TNIP3: variants seen among roughly 807,000 people sequenced by gnomAD.
The protein encoded by TNIP3 is TNFAIP3-interacting protein 3.
TNIP3 carries 34 observed loss-of-function variants against 54.1 expected under a neutral mutation model. That is an observed-to-expected ratio of 0.63 (90% CI 0.48 to 0.84). The LOEUF is 0.84. Among genes scored for constraint, TNIP3 ranks in the 40% least tolerant of loss-of-function variants. The probability of loss-of-function intolerance (pLI) is 0.00; values close to 1 mark genes in which losing one functional copy is unlikely to be tolerated. For missense variants in TNIP3, 366 were observed against 387.6 expected (o/e 0.94, Z 0.47); for synonymous variants, 134 against 136.8 (o/e 0.98, Z 0.14).
intron 7 of TNIP3, among the ~76,000 whole-genome samples, chr4:121,146,222 A>T (rs976464549): frequency 3.3e-5 from 5 of 152,224 alleles, no homozygotes; most frequent in African/African-American, 1.2e-4. Context: ...TAAAAAAATC[A>T]GAGATAAAAT....
At chr4:121,213,183 A>G (rs1164013562) in intron 2 of TNIP3, among the ~76,000 whole-genome samples, 1 of 152,222 alleles carries the variant, frequency 6.6e-6, no homozygotes, top group Non-Finnish European at 1.5e-5. Context: ...CCTTAAGTGC[A>G]TCTGAAATCC....
intron 2 of TNIP3, among the ~76,000 whole-genome samples, chr4:121,190,873 A>G (rs910445584): frequency 6.6e-6 from 1 of 152,212 alleles, no homozygotes; most frequent in African/African-American, 2.4e-5. Flanking sequence ...AGACCAAGTT[A>G]TGCTAAGATG....
At chr4:121,215,181 C>T (rs1056855837) in intron 2 of TNIP3, among the ~76,000 whole-genome samples, 1 of 152,072 alleles carries the variant, frequency 6.6e-6, no homozygotes, top group Non-Finnish European at 1.5e-5. Context: ...CTTAATGGTA[C>T]CCCTTGTCAA....
intron 2 of TNIP3, among the ~76,000 whole-genome samples, chr4:121,214,705 T>A (rs1726685779): frequency 6.6e-6 from 1 of 152,198 alleles, no homozygotes; most frequent in South Asian, 2.1e-4. Flanking sequence ...TTGTTCAACA[T>A]CACATCATAT....
At chr4:121,198,561 T>A (rs1251809349) in intron 2 of TNIP3, among the ~76,000 whole-genome samples, 1 of 152,150 alleles carries the variant, frequency 6.6e-6, no homozygotes, top group Non-Finnish European at 1.5e-5. Flanking sequence ...CAGAAAAAAA[T>A]CCCTGTTTTC....
intron 9 of TNIP3, among the ~76,000 whole-genome samples, chr4:121,140,669 C>A (rs971575026): frequency 1.4e-4 from 22 of 152,074 alleles, no homozygotes; most frequent in Admixed American, 6.5e-5. Flanking sequence ...CAGTAAATTT[C>A]TCTTTATGTT....
chr4:121,199,913 C>A (rs1438898817), intron 2 of TNIP3, among the ~76,000 whole-genome samples: 5 of 152,130 alleles, frequency 3.3e-5, no homozygotes, highest in Admixed American at 6.5e-5. Context: ...TCTCTACTTG[C>A]CCAGCCAAGA....
chr4:121,222,395 G>C (rs777556332), intron 1 of TNIP3, among the ~76,000 whole-genome samples: 1 of 152,182 alleles, frequency 6.6e-6, no homozygotes, highest in Non-Finnish European at 1.5e-5. Context: ...ATTGGGTTTA[G>C]AGTCAAAAGA....
intron 10 of TNIP3, chr4:121,137,618 G>A: frequency 4.7e-6 from 1 of 211,924 alleles, no homozygotes. Context: ...ACCATGATGA[G>A]CCCCTCAGAC....
At position 121,154,561 on chromosome 4, in the gene TNIP3, C is replaced by T. The variant is rs532443085; in HGVS notation, c.482G>A (p.Arg161His). Reference protein sequence around the residue: ...EKEHYECEIKRLNKALQDALN... With the variant: ...EKEHYECEIKHLNKALQDALN... ...TGACCTGACTGATACCTTATTGAGGCGTTTTATTTCACATTCGTAATGTTC... is the reference window on the plus strand; with the variant it reads ...TGACCTGACTGATACCTTATTGAGGTGTTTTATTTCACATTCGTAATGTTC... The change falls in exon 5 of 11, where the codon CGC (arginine) becomes CAC (histidine). Residue 161 changes from arginine (R) to histidine (H), a missense_variant. Arg to His is a conservative substitution (Grantham distance 29). Transcript: ENST00000057513. 7 of 1,613,654 alleles carry T rather than the reference C, an allele frequency of 4.3e-6. No individual in the cohort carries two copies. The highest frequency in any genetic ancestry group is 3.3e-5 in the South Asian group (3 of 91,036).
rs779501164 is a variant in TNIP3 at position 121,141,848 on chromosome 4, G to A, written c.853C>T (p.Pro285Ser). 9 of 1,597,482 alleles carry A rather than the reference G, an allele frequency of 5.6e-6. No homozygotes were observed. Among genetic ancestry groups the A allele is most frequent in the Non-Finnish European group, 7.7e-6 (9 of 1,171,872 alleles). The change falls in exon 9 of 11, where the codon CCT (proline) becomes TCT (serine). Residue 285 changes from proline to serine, a missense_variant. Coordinates refer to ENST00000057513, the MANE Select transcript of TNIP3 (RefSeq NM_024873.6). ...HLQDPWVPTG[P>S]GAVQKQREHP... is the part of the protein sequence containing the mutation. ...TCCCGTTGCTTCTGCACAGCTCCAG[G>A]GCCTGTTGGTACCCATGGATCTTGC... is the stretch of plus-strand genomic sequence containing the variant.
At chr4:121,142,242 A>C (rs975124954) in intron 8 of TNIP3, among the ~76,000 whole-genome samples, 1 of 152,194 alleles carries the variant, frequency 6.6e-6, no homozygotes, top group East Asian at 1.9e-4. Context: ...GAGTCATAAA[A>C]TAGGTTTTCT....
At chr4:121,207,481 C>A (rs986868216) in intron 2 of TNIP3, among the ~76,000 whole-genome samples, 3 of 152,150 alleles carry the variant, frequency 2.0e-5, no homozygotes, top group Admixed American at 2.0e-4. Flanking sequence ...ACGCAGATAT[C>A]TTTAAATCTT....
At chr4:121,214,291 T>C (rs891150558) in intron 2 of TNIP3, among the ~76,000 whole-genome samples, 1 of 152,180 alleles carries the variant, frequency 6.6e-6, no homozygotes, top group Non-Finnish European at 1.5e-5. Flanking sequence ...AAAACCAGCT[T>C]CTGAACATTT....
chr4:121,220,886 A>G (rs1353391039), upstream of TNIP3, among the ~76,000 whole-genome samples: 1 of 152,172 alleles, frequency 6.6e-6, no homozygotes, highest in African/African-American at 2.4e-5. Context: ...ACGTTCAGTC[A>G]AGAGTGGGAA....
intron 10 of TNIP3, chr4:121,138,061 A>T (rs1049082445): frequency 4.9e-5 from 22 of 447,196 alleles, no homozygotes; most frequent in Non-Finnish European, 9.8e-5. Context: ...AATAAGATTT[A>T]AAAAAGTACT....
At position 121,161,385 on chromosome 4, in the gene TNIP3, G is replaced by A. The variant is rs548368423; in HGVS notation, c.67-169C>T. The stretch of plus-strand genomic sequence containing the variant: ...TACCCTAAGTCCTTCATCATGGCTG[G>A]TGGATGAGTCAGCTTCATATTATGT... On this transcript the variant is annotated intron_variant, in intron 1 of 10. Coordinates refer to ENST00000057513, the MANE Select transcript of TNIP3 (RefSeq NM_024873.6). Among the ~76,000 whole-genome samples the A allele has an allele frequency of 3.4e-4, 52 of 152,230 alleles. 1 individual carries two copies. In the South Asian group the frequency reaches 0.011, roughly 32 times the overall value.
At chr4:121,148,423 A>C (rs2148803566) in intron 6 of TNIP3, among the ~76,000 whole-genome samples, 1 of 152,358 alleles carries the variant, frequency 6.6e-6, no homozygotes, top group South Asian at 2.1e-4. Context: ...TCATTATTAT[A>C]AACTTTATGT....
intron 2 of TNIP3, among the ~76,000 whole-genome samples, chr4:121,192,545 G>T (rs143938699): frequency 2.6e-5 from 4 of 152,102 alleles, no homozygotes; most frequent in African/African-American, 7.2e-5. Flanking sequence ...CTCCTGAAAA[G>T]CTTCTATCGA....
Sources: gnomAD v4.1 joint callset for allele counts (sites outside exome capture counted in the v4.1 genomes callset) on GRCh38, gnomAD v4.1.1 for gene constraint, MANE v1.5 for transcripts, NCBI Gene and HGNC (gene_info 2026-07-23, HGNC 2026-07-21) for gene names.